MTCL2: variants seen among roughly 807,000 people sequenced by gnomAD.
The protein encoded by MTCL2 is microtubule cross-linking factor 2.
the MTCL2 span, among the ~76,000 whole-genome samples, chr20:36,788,625 G>A: frequency 1.3e-5 from 2 of 152,094 alleles, no homozygotes; most frequent in Non-Finnish European, 1.5e-5. Flanking sequence ...GCAACAGAGC[G>A]AGACTCCGTC....
At chr20:36,795,944 G>T in the MTCL2 span, among the ~76,000 whole-genome samples, 1 of 152,298 alleles carries the variant, frequency 6.6e-6, no homozygotes, top group South Asian at 2.1e-4. Flanking sequence ...TAAGCTGCAT[G>T]TTCTCCTCTG....
At chr20:36,807,600 G>A in the MTCL2 span, among the ~76,000 whole-genome samples, 74 of 152,252 alleles carry the variant, frequency 4.9e-4, no homozygotes, top group African/African-American at 1.7e-3. Flanking sequence ...GCATAGACTG[G>A]GGCATGAATG....
At chr20:36,793,380 C>T in the MTCL2 span, 25 of 1,551,596 alleles carry the variant, frequency 1.6e-5, no homozygotes, top group South Asian at 3.6e-5. The surrounding 1 kb of genome is among the most constrained non-coding windows in gnomAD (Gnocchi z 6.8). Flanking sequence ...ATCCTGGCCA[C>T]ACCCTCTGGC....
the MTCL2 span, among the ~76,000 whole-genome samples, chr20:36,860,782 G>A: frequency 1.3e-5 from 2 of 152,308 alleles, no homozygotes; most frequent in Non-Finnish European, 1.5e-5. Flanking sequence ...AGATCACGCC[G>A]TCAGGAAGCG....
At chr20:36,798,915 C>T in the MTCL2 span, among the ~76,000 whole-genome samples, 2 of 152,178 alleles carry the variant, frequency 1.3e-5, no homozygotes, top group Non-Finnish European at 1.5e-5. Context: ...TAGGACTATT[C>T]TAGTTTTAAA....
chr20:36,816,124 G>T, the MTCL2 span: 5 of 1,613,570 alleles, frequency 3.1e-6, no homozygotes, highest in Non-Finnish European at 4.2e-6. Context: ...TCCCGCGAGT[G>T]GGGGGCATCG....
At chr20:36,793,203 T>C in the MTCL2 span, 1 of 1,514,254 alleles carries the variant, frequency 6.6e-7, no homozygotes. This position sits in a 1 kb window ranked among gnomAD's most constrained non-coding sequence, Gnocchi z 6.8. Context: ...GGACCTTATA[T>C]ACTAACTCCA....
At chr20:36,846,701 G>A in the MTCL2 span, among the ~76,000 whole-genome samples, 2 of 152,196 alleles carry the variant, frequency 1.3e-5, no homozygotes, top group Non-Finnish European at 2.9e-5. Context: ...CAAATAGGCT[G>A]TGACTTTAGA....
At chr20:36,862,829 C>T in the MTCL2 span, 3 of 1,328,228 alleles carry the variant, frequency 2.3e-6, no homozygotes, top group East Asian at 3.1e-5. Context: ...GGGAGGCGGG[C>T]GGCCGCGGGG....
chr20:36,853,771 CCCA>C, the MTCL2 span, among the ~76,000 whole-genome samples: 2 of 151,560 alleles, frequency 1.3e-5, no homozygotes, highest in Non-Finnish European at 1.5e-5. Flanking sequence ...GAGACCACTG[CCCA>C]CCAAGGCCAC....
chr20:36,801,558 AAAC>A, the MTCL2 span, among the ~76,000 whole-genome samples: 4 of 152,142 alleles, frequency 2.6e-5, no homozygotes, highest in East Asian at 5.8e-4. Flanking sequence ...TAAAAAAAAA[AAAC>A]AACTTTTTTT....
chr20:36,863,019 G>C, the MTCL2 span: 3 of 1,398,512 alleles, frequency 2.1e-6, no homozygotes, highest in Non-Finnish European at 2.8e-6. This position sits in a 1 kb window ranked among gnomAD's most constrained non-coding sequence, Gnocchi z 6.2. Context: ...CGGCGGTGGC[G>C]GTCGCGGCCC....
At chr20:36,841,059 C>T in the MTCL2 span, among the ~76,000 whole-genome samples, 717 of 148,064 alleles carry the variant, frequency 4.8e-3, 7 homozygotes, top group African/African-American at 0.017. Flanking sequence ...CCTCTAATCC[C>T]GGCACTTTGG....
chr20:36,809,978 G>A, the MTCL2 span: 21 of 1,598,480 alleles, frequency 1.3e-5, no homozygotes, highest in South Asian at 3.4e-5. Flanking sequence ...TGGGCACCAC[G>A]CACCTGGACC....
the MTCL2 span, chr20:36,809,853 C>T: frequency 5.4e-5 from 63 of 1,174,712 alleles, no homozygotes; most frequent in South Asian, 7.4e-5. Flanking sequence ...GGATTACAGG[C>T]GTGAGCCACC....
the MTCL2 span, among the ~76,000 whole-genome samples, chr20:36,843,657 TGTTC>T: frequency 6.6e-6 from 1 of 152,232 alleles, no homozygotes; most frequent in Non-Finnish European, 1.5e-5. Flanking sequence ...GATGGATCTG[TGTTC>T]AAATCCTAGC....
the MTCL2 span, chr20:36,793,882 A>C: frequency 6.5e-7 from 1 of 1,550,234 alleles, no homozygotes; most frequent in South Asian, 1.2e-5. The surrounding 1 kb of genome is among the most constrained non-coding windows in gnomAD (Gnocchi z 6.8). Flanking sequence ...AGGCCTTGCC[A>C]TGGAGGCTGC....
chr20:36,806,034 G>C, the MTCL2 span: 1 of 1,254,418 alleles, frequency 8.0e-7, no homozygotes, highest in East Asian at 2.5e-5. Flanking sequence ...GCACCATGTA[G>C]GTCGAGGAGC....
the MTCL2 span, among the ~76,000 whole-genome samples, chr20:36,858,206 G>A: frequency 2.0e-5 from 3 of 152,024 alleles, no homozygotes; most frequent in African/African-American, 7.3e-5. Flanking sequence ...TTACTGATCT[G>A]TAAAATGGCA....
Sources: gnomAD v4.1 joint callset for allele counts (sites outside exome capture counted in the v4.1 genomes callset) on GRCh38, gnomAD v4.1.1 for gene constraint, Gnocchi (gnomAD v3.1) non-coding constraint, MANE v1.5 for transcripts, NCBI Gene and HGNC (gene_info 2026-07-23, HGNC 2026-07-21) for gene names.